PTH2R: variants seen among roughly 807,000 people sequenced by gnomAD.
PTH2R encodes the protein PTH2 receptor.
PTH2R carries 59 observed loss-of-function variants against 60.3 expected under a neutral mutation model. The ratio of observed to expected loss-of-function variants is 0.98; its 90% CI spans 0.79 to 1.22. The LOEUF is 1.22. Among genes scored for constraint, PTH2R ranks in the 50% most tolerant of loss-of-function variants. The probability of loss-of-function intolerance (pLI) is 0.00; values close to 1 mark genes in which losing one functional copy is unlikely to be tolerated. For missense variants in PTH2R, 749 were observed against 682.6 expected (o/e 1.10, Z -1.08); for synonymous variants, 256 against 243.8 (o/e 1.05, Z -0.47).
intron 12 of PTH2R, among the ~76,000 whole-genome samples, chr2:208,491,041 C>A (rs1039233776): frequency 1.3e-5 from 2 of 152,098 alleles, no homozygotes; most frequent in African/African-American, 4.8e-5. Flanking sequence ...CAAATTCATT[C>A]AAATATTTTG....
At chr2:208,414,793 T>C (rs2105839696) in intron 1 of PTH2R, among the ~76,000 whole-genome samples, 1 of 152,270 alleles carries the variant, frequency 6.6e-6, no homozygotes, top group East Asian at 1.9e-4. Flanking sequence ...AGGTTAACAT[T>C]AAGAGTGAAG....
rs1439454809 is a variant in PTH2R, at chr2:208,438,316, G to A, written c.411+435G>A. The stretch of plus-strand genomic sequence containing the variant: ...TTCCACCTCATAAGATTTACCAATA[G>A]ATGATCTCATTAGCGTATAAAAGAT... On this transcript the variant is annotated intron_variant, in intron 4 of 12. Transcript: ENST00000272847. Among the ~76,000 whole-genome samples, 3 of 152,110 alleles carry A rather than the reference G, an allele frequency of 2.0e-5. No individual in the cohort carries two copies. The East Asian group carries it at 5.8e-4, about 29-fold the overall frequency.
chr2:208,448,658 C>A, intron 7 of PTH2R, among the ~76,000 whole-genome samples: 1 of 148,062 alleles, frequency 6.8e-6, no homozygotes, highest in Non-Finnish European at 1.5e-5. Context: ...AATAACTCAA[C>A]TTTCAGTAAA....
At chr2:208,430,539 C>T (rs1701948780) in intron 2 of PTH2R, among the ~76,000 whole-genome samples, 1 of 143,892 alleles carries the variant, frequency 6.9e-6, no homozygotes. Flanking sequence ...CTTTTTCTGT[C>T]TGGCTTCTTT....
intron 1 of PTH2R, among the ~76,000 whole-genome samples, chr2:208,395,919 G>A (rs2125885193): frequency 6.6e-6 from 1 of 152,230 alleles, no homozygotes; most frequent in South Asian, 2.1e-4. Context: ...TATACTACAA[G>A]GCTACTGTAA....
chr2:208,470,394 C>T (rs1471012974), intron 9 of PTH2R, among the ~76,000 whole-genome samples: 3 of 152,120 alleles, frequency 2.0e-5, no homozygotes, highest in African/African-American at 7.2e-5. Context: ...GGCTGTGTCC[C>T]CATCCAGATC....
At chr2:208,368,591 C>G (rs1700637893) in intron 1 of PTH2R, among the ~76,000 whole-genome samples, 1 of 152,102 alleles carries the variant, frequency 6.6e-6, no homozygotes, top group Non-Finnish European at 1.5e-5. Flanking sequence ...TCTTTCAAAG[C>G]CTGGCCACCT....
intron 1 of PTH2R, chr2:208,360,880 G>A (rs1164600789): frequency 1.1e-5 from 2 of 189,614 alleles, no homozygotes; most frequent in Non-Finnish European, 2.2e-5. Context: ...GGTGCCGGCC[G>A]CTCCTCCACG....
intron 1 of PTH2R, chr2:208,361,056 G>A (rs976544702): frequency 9.7e-6 from 2 of 207,172 alleles, no homozygotes; most frequent in Non-Finnish European, 2.1e-5. Context: ...AGATGGCGAT[G>A]ACACACAGCT....
At chr2:208,490,541 TA>T in intron 11 of PTH2R, 97 bp from the exon 12 acceptor site, 1 of 1,170,828 alleles carries the variant, frequency 8.5e-7, no homozygotes. Flanking sequence ...GAAGGAATCA[TA>T]AAAAACAATT....
intron 1 of PTH2R, among the ~76,000 whole-genome samples, chr2:208,415,526 C>A (rs1170107230): frequency 6.6e-6 from 1 of 152,100 alleles, no homozygotes; most frequent in Non-Finnish European, 1.5e-5. Flanking sequence ...CCAGGGAGAA[C>A]CCATCATGTC....
intron 1 of PTH2R, among the ~76,000 whole-genome samples, chr2:208,361,823 TTATC>T (rs560700340): frequency 1.9e-3 from 282 of 152,324 alleles, no homozygotes; most frequent in Non-Finnish European, 3.4e-3. Flanking sequence ...CACATTTTGT[TTATC>T]CATCCATTTT....
chr2:208,450,339 A>G (rs1702378355), intron 7 of PTH2R, among the ~76,000 whole-genome samples: 1 of 152,210 alleles, frequency 6.6e-6, no homozygotes, highest in South Asian at 2.1e-4. Flanking sequence ...TAAGTTTTTA[A>G]AACAACAGCA....
chr2:208,483,196 G>C (rs894338846), intron 10 of PTH2R, among the ~76,000 whole-genome samples: 1 of 152,118 alleles, frequency 6.6e-6, no homozygotes, highest in African/African-American at 2.4e-5. Flanking sequence ...AGCTGCTAGT[G>C]CCAGTTATTT....
chr2:208,485,726 G>A (rs1341772724), intron 10 of PTH2R, among the ~76,000 whole-genome samples: 2 of 152,148 alleles, frequency 1.3e-5, no homozygotes, highest in African/African-American at 2.4e-5. Flanking sequence ...CTGCCCATGG[G>A]TGTATAAGCC....
At chr2:208,465,893 T>TA (rs368477300) in intron 9 of PTH2R, among the ~76,000 whole-genome samples, 1 of 135,706 alleles carries the variant, frequency 7.4e-6, no homozygotes, top group Admixed American at 7.5e-5. Context: ...TTTTTTTTTT[T>TA]AAAAATCCAA....
rs187506956 is a variant in PTH2R, at chr2:208,435,695, A to G, written c.179-1842A>G. Among the ~76,000 whole-genome samples the G allele has an allele frequency of 1.6e-3, 237 of 152,312 alleles. 3 individuals are homozygous for G. Among genetic ancestry groups the G allele is most frequent in the East Asian group, 3.9e-4 (2 of 5,176 alleles). On this transcript the variant is annotated intron_variant, in intron 2 of 12. Coordinates refer to ENST00000272847, the MANE Select transcript of PTH2R (RefSeq NM_005048.4). ...TGAATTCTCCCAACCACCCAAGTGA[A>G]CAAGGAGACAGATCCTCCCTCAGAG...
At chr2:208,387,799 A>T (rs1199501643) in intron 1 of PTH2R, among the ~76,000 whole-genome samples, 1 of 152,218 alleles carries the variant, frequency 6.6e-6, no homozygotes, top group African/African-American at 2.4e-5. Context: ...TGATCACATC[A>T]TTACAACAAC....
At chr2:208,477,060 TA>T (rs759084109) in intron 9 of PTH2R, among the ~76,000 whole-genome samples, 1 of 152,210 alleles carries the variant, frequency 6.6e-6, no homozygotes, top group Non-Finnish European at 1.5e-5. Context: ...TACCTCAGTA[TA>T]AGTAGTGTTT....
Sources: gnomAD v4.1 joint callset for allele counts (sites outside exome capture counted in the v4.1 genomes callset) on GRCh38, gnomAD v4.1.1 for gene constraint, MANE v1.5 for transcripts, NCBI Gene and HGNC (gene_info 2026-07-23, HGNC 2026-07-21) for gene names.